The following GRM8 variants were observed in gnomAD, a reference collection of about 807,000 sequenced individuals.
GRM8 encodes metabotropic glutamate receptor 8.
Under a neutral mutation model 87.2 loss-of-function variants are expected in GRM8, and 47 were observed. The observed-to-expected ratio is 0.54, with a 90% confidence interval of 0.43 to 0.69. The LOEUF (loss-of-function observed/expected upper bound fraction) is 0.69. Ranked by LOEUF, GRM8 falls within the 30% of genes least tolerant of loss-of-function variation. The pLI, the probability that GRM8 is intolerant of heterozygous loss-of-function variation, is 0.00. For missense variants in GRM8, 1,019 were observed against 1,139.2 expected (o/e 0.89, Z 1.52); for synonymous variants, 396 against 404.5 (o/e 0.98, Z 0.25).
chr7:127,205,896 C>A (rs1029253847), intron 2 of GRM8, among the ~76,000 whole-genome samples: 8 of 152,104 alleles, frequency 5.3e-5, no homozygotes, highest in African/African-American at 1.9e-4. Context: ...AAATAGGTTC[C>A]TCTTTTTTCA....
At chr7:126,851,550 TGTTTTA>T (rs1797213352) in intron 6 of GRM8, among the ~76,000 whole-genome samples, 1 of 152,142 alleles carries the variant, frequency 6.6e-6, no homozygotes, top group Admixed American at 6.5e-5. Context: ...TAACCCACAC[TGTTTTA>T]GCTACACCTC....
At chr7:126,983,698 C>A (rs1436965278) in intron 3 of GRM8, among the ~76,000 whole-genome samples, 1 of 152,160 alleles carries the variant, frequency 6.6e-6, no homozygotes, top group African/African-American at 2.4e-5. Flanking sequence ...TCCATTAGGG[C>A]ATCTCTTAGT....
At chr7:126,979,709 C>T (rs1420642870) in intron 3 of GRM8, among the ~76,000 whole-genome samples, 1 of 152,178 alleles carries the variant, frequency 6.6e-6, no homozygotes, top group Non-Finnish European at 1.5e-5. Flanking sequence ...ACCCAAACAC[C>T]TCTCTGCTCT....
intron 2 of GRM8, among the ~76,000 whole-genome samples, chr7:127,192,903 G>T (rs1795096876): frequency 6.6e-6 from 1 of 151,956 alleles, no homozygotes; most frequent in Non-Finnish European, 1.5e-5. Context: ...TCCCCTAAAG[G>T]TATCTCATGT....
intron 3 of GRM8, among the ~76,000 whole-genome samples, chr7:126,930,310 A>T (rs572042524): frequency 6.6e-6 from 1 of 152,366 alleles, no homozygotes; most frequent in East Asian, 1.9e-4. Flanking sequence ...AAGAGCTGAC[A>T]TGAGCTATAT....
chr7:127,094,287 C>T (rs1445058624), intron 3 of GRM8, among the ~76,000 whole-genome samples: 3 of 152,146 alleles, frequency 2.0e-5, no homozygotes, highest in African/African-American at 7.2e-5. Flanking sequence ...TGGGGCTGAG[C>T]ATGGGAGAGA....
At chr7:127,014,970 G>C (rs117265970) in intron 3 of GRM8, among the ~76,000 whole-genome samples, 7,360 of 139,006 alleles carry the variant, frequency 0.053, 283 homozygotes, top group South Asian at 0.1. Flanking sequence ...AGAAGAAGAG[G>C]AAGAAGAAGG....
chr7:127,068,512 C>T (rs1482261782), intron 3 of GRM8, among the ~76,000 whole-genome samples: 2 of 152,118 alleles, frequency 1.3e-5, no homozygotes, highest in East Asian at 3.9e-4. Flanking sequence ...GTTAGTCACT[C>T]TAGGGTCAGG....
chr7:126,552,870 A>C (rs554613931), intron 8 of GRM8, among the ~76,000 whole-genome samples: 1 of 152,220 alleles, frequency 6.6e-6, no homozygotes, highest in South Asian at 2.1e-4. Context: ...TAGGTTTTCA[A>C]ATTAGGTCAG....
At chr7:126,812,477 A>G (rs899349206) in intron 6 of GRM8, among the ~76,000 whole-genome samples, 2 of 152,062 alleles carry the variant, frequency 1.3e-5, no homozygotes, top group Non-Finnish European at 2.9e-5. Context: ...TAGGAGAGGT[A>G]CAGTAAAAGT....
At chr7:127,151,059 T>C (rs1489375655) in intron 2 of GRM8, among the ~76,000 whole-genome samples, 4 of 152,022 alleles carry the variant, frequency 2.6e-5, no homozygotes, top group African/African-American at 7.2e-5. Flanking sequence ...CTTTCCTTCC[T>C]TGGGGAACAA....
intron 3 of GRM8, among the ~76,000 whole-genome samples, chr7:127,066,432 C>A (rs1484972115): frequency 6.6e-6 from 1 of 152,100 alleles, no homozygotes; most frequent in African/African-American, 2.4e-5. Flanking sequence ...CTTTGTGTAG[C>A]ATTTAAGAGT....
At chr7:126,736,790 G>A (rs532216616) in intron 7 of GRM8, among the ~76,000 whole-genome samples, 1 of 152,144 alleles carries the variant, frequency 6.6e-6, no homozygotes, top group East Asian at 1.9e-4. Flanking sequence ...TGGCATCACA[G>A]TAATACTGTT....
At chr7:127,143,174 A>G (rs1031693220) in intron 2 of GRM8, among the ~76,000 whole-genome samples, 2 of 151,920 alleles carry the variant, frequency 1.3e-5, no homozygotes, top group African/African-American at 4.8e-5. Context: ...CCTTTTTCCT[A>G]CAGTTCTAAT....
intron 7 of GRM8, among the ~76,000 whole-genome samples, chr7:126,717,847 AT>A (rs1811920032): frequency 6.6e-6 from 1 of 152,086 alleles, no homozygotes; most frequent in South Asian, 2.1e-4. Flanking sequence ...TAAATTTAAC[AT>A]CATCTAAACT....
intron 7 of GRM8, among the ~76,000 whole-genome samples, chr7:126,736,865 C>T (rs2151496606): frequency 6.6e-6 from 1 of 152,138 alleles, no homozygotes; most frequent in Non-Finnish European, 1.5e-5. Flanking sequence ...CAGTCTTTCT[C>T]ATTCTCCCCC....
chr7:126,766,198 G>T (rs1183754485), intron 7 of GRM8, among the ~76,000 whole-genome samples: 2 of 151,602 alleles, frequency 1.3e-5, no homozygotes, highest in Non-Finnish European at 2.9e-5. Flanking sequence ...GTTACAATGT[G>T]AGAAAGATTA....
chr7:126,806,098 C>A (rs1477087264), intron 6 of GRM8, among the ~76,000 whole-genome samples: 1 of 152,122 alleles, frequency 6.6e-6, no homozygotes, highest in African/African-American at 2.4e-5. Flanking sequence ...GTCGCAGACC[C>A]TCGTGGTGAG....
intron 6 of GRM8, among the ~76,000 whole-genome samples, chr7:126,804,241 A>C (rs1183677007): frequency 6.6e-6 from 1 of 152,006 alleles, no homozygotes; most frequent in Non-Finnish European, 1.5e-5. Context: ...TTTTTCCCTT[A>C]TCTCTACTAC....
Sources: gnomAD v4.1 joint callset for allele counts (sites outside exome capture counted in the v4.1 genomes callset) on GRCh38, gnomAD v4.1.1 for gene constraint, MANE v1.5 for transcripts, NCBI Gene and HGNC (gene_info 2026-07-23, HGNC 2026-07-21) for gene names.